The following FADS6 variants were observed in gnomAD, a reference collection of about 807,000 sequenced individuals.
The protein encoded by FADS6 is fatty acid desaturase 6.
Under a neutral mutation model 31.7 loss-of-function variants are expected in FADS6, and 28 were observed. The observed-to-expected ratio is 0.88, with a 90% CI of 0.66 to 1.21. The LOEUF is 1.21. Ranked by LOEUF, FADS6 falls within the 50% of genes most tolerant of loss-of-function variation. The pLI is 0.00. For missense variants in FADS6, 494 were observed against 504.2 expected (o/e 0.98, Z 0.19); for synonymous variants, 191 against 213.1 (o/e 0.90, Z 0.90).
rs557158184 is a variant in FADS6, at chr17:74,884,570, C to T, written c.412-1860G>A. ...GAAGCTTGGTAGGGAGGCCTCAGGA[C>T]GCTTGCAATCATGGCAGATCACAAT... On this transcript the variant is annotated intron_variant, in intron 2 of 5. Transcript: ENST00000612771. Among the ~76,000 whole-genome samples, 4 of 152,246 alleles carry T rather than the reference C, an allele frequency of 2.6e-5. No individual in the cohort carries two copies. In the South Asian group the frequency reaches 8.3e-4, roughly 32 times the overall value.
chr17:74,879,732 A>G (rs1475862202), intron 4 of FADS6, 149 bp from the exon 5 acceptor site: 1 of 773,640 alleles, frequency 1.3e-6, no homozygotes, highest in African/African-American at 1.8e-5. Flanking sequence ...CCCAGCTCCG[A>G]TGATGACCCT....
At chr17:74,890,905 C>A (rs553565503) in intron 2 of FADS6, among the ~76,000 whole-genome samples, 14 of 152,240 alleles carry the variant, frequency 9.2e-5, no homozygotes, top group African/African-American at 3.4e-4. Flanking sequence ...ACCTGTGGAA[C>A]TTGGTAAAAA....
In FADS6 at chr17:74,877,729, T is replaced by C. The variant is rs1410574043; in HGVS notation, c.*602A>G. On this transcript the variant is annotated 3_prime_UTR_variant, in exon 6 of 6. Transcript: ENST00000612771. ...CCGACAAAACACACTCACTTTTATC[T>C]TGCTGATACTGTGGCCTGGGGAACT... 8.1e-6 allele frequency: 8 copies of C among 985,462 alleles called. No individual in the cohort carries two copies. In the African/African-American group the frequency reaches 8.7e-5, roughly 11 times the overall value. 61.0% of individuals were successfully genotyped at this position (985,462 alleles called of 1,614,324 possible).
chr17:74,893,290 C>G, intron 1 of FADS6, 62 bp downstream of exon 1: 1 of 1,449,226 alleles, frequency 6.9e-7, no homozygotes, highest in African/African-American at 1.5e-5. Flanking sequence ...GCGCCGCCAC[C>G]TCCGCCGCAC....
At chr17:74,881,475 A>G (rs183493757) in intron 3 of FADS6, among the ~76,000 whole-genome samples, 1 of 152,316 alleles carries the variant, frequency 6.6e-6, no homozygotes, top group Admixed American at 6.5e-5. Flanking sequence ...CGGCAAGCAG[A>G]TCGCTTGAGC....
At chr17:74,890,901 G>C (rs1303588179) in intron 2 of FADS6, among the ~76,000 whole-genome samples, 1 of 152,106 alleles carries the variant, frequency 6.6e-6, no homozygotes, top group African/African-American at 2.4e-5. Context: ...ATTCACCTGT[G>C]GAACTTGGTA....
intron 2 of FADS6, among the ~76,000 whole-genome samples, chr17:74,883,180 T>C (rs1213326502): frequency 1.3e-5 from 2 of 152,168 alleles, no homozygotes; most frequent in Non-Finnish European, 2.9e-5. Context: ...AGGGACACCA[T>C]CCCCTGACCA....
intron 3 of FADS6, among the ~76,000 whole-genome samples, chr17:74,881,592 A>G (rs2038569821): frequency 6.6e-6 from 1 of 151,828 alleles, no homozygotes; most frequent in African/African-American, 2.4e-5. Context: ...CCAGCTACTC[A>G]GGAGGAGCCT....
At chr17:74,883,666 T>A (rs1044997001) in intron 2 of FADS6, among the ~76,000 whole-genome samples, 1 of 152,108 alleles carries the variant, frequency 6.6e-6, no homozygotes, top group Non-Finnish European at 1.5e-5. Flanking sequence ...TTTATTTTAT[T>A]TTTATTCTGT....
chr17:74,875,891 G>A (rs1304700672), downstream of FADS6, among the ~76,000 whole-genome samples: 2 of 152,212 alleles, frequency 1.3e-5, no homozygotes, highest in African/African-American at 4.8e-5. Flanking sequence ...CACTCAAAAG[G>A]CGTGATTGAG....
chr17:74,885,067 T>C (rs1217889535), intron 2 of FADS6, among the ~76,000 whole-genome samples: 1 of 151,986 alleles, frequency 6.6e-6, no homozygotes, highest in African/African-American at 2.4e-5. Flanking sequence ...ACCAAGGGGA[T>C]ACTGCCAAAC....
Position 74,882,604 on chromosome 17 carries a change from G to A in FADS6, c.518C>T (p.Pro173Leu). ...CATGTAGACATAGCGGTTGAGGCAA[G>A]GCAGCCTCCACGTGCTGGAGTCCCC... The part of the protein sequence containing the change: ...GLGDSSTWRL[P>L]CLNRYVYMFL... Residue 173 changes from proline to leucine, a missense_variant, in exon 3 of 6, where the codon CCT becomes CTT. Pro to Leu is a moderately conservative substitution (Grantham distance 98). Transcript: ENST00000612771. The A allele has an allele frequency of 6.2e-7, 1 of 1,611,762 alleles. No homozygotes were observed. The highest frequency in any genetic ancestry group is 1.7e-5 in the Admixed American group (1 of 59,744).
chr17:74,886,817 C>A (rs574655467), intron 2 of FADS6, among the ~76,000 whole-genome samples: 7 of 152,232 alleles, frequency 4.6e-5, no homozygotes, highest in African/African-American at 1.7e-4. Context: ...CTTCCCACAG[C>A]CTTTGTCCAT....
chr17:74,892,708 G>A lies in FADS6; in HGVS notation c.245-19C>T. ...AGGAAGCCTGCGTGGAGAGGAGGAA[G>A]AAGACGGGTCTTTCTCTAGCTCTGG... On this transcript the variant is annotated intron_variant, in intron 1 of 5. Coordinates refer to ENST00000612771, the MANE Select transcript of FADS6 (RefSeq NM_178128.6). 1 of 1,601,712 alleles carries A rather than the reference G, an allele frequency of 6.2e-7. No individual in the cohort carries two copies. The highest frequency in any genetic ancestry group is 8.5e-7 in the Non-Finnish European group (1 of 1,174,514).
Position 74,881,215 on chromosome 17 carries a change from C to A in FADS6, c.633G>T (p.Thr211=), listed in dbSNP as rs745435837. The A allele has an allele frequency of 1.2e-6, 2 of 1,608,554 alleles. No homozygotes were observed. The highest frequency in any genetic ancestry group is 2.2e-5 in the East Asian group (1 of 44,648). ...RKVELGTALR[T]LALISLGLYS... ...AAAGGCCCAGAGAAATCAGGGCCAG[C>A]GTCCGCAGGGCTGTCCCGAGCTCCA... The change falls in exon 4 of 6, where the codon ACG becomes ACT. Residue 211 remains threonine (T), a synonymous_variant. Coordinates refer to ENST00000612771, the MANE Select transcript of FADS6 (RefSeq NM_178128.6).
intron 2 of FADS6, chr17:74,883,015 CTG>C: frequency 3.7e-6 from 2 of 538,920 alleles, no homozygotes; most frequent in Non-Finnish European, 3.2e-6. Context: ...GTCTCAGAGT[CTG>C]TCGTGATTGG....
chr17:74,882,953 G>T, intron 2 of FADS6: 1 of 1,084,442 alleles, frequency 9.2e-7, no homozygotes, highest in Non-Finnish European at 1.3e-6. Flanking sequence ...ATTTGGGGGT[G>T]GGAGGCTGGA....
chr17:74,888,136 ACACACACACACACACACACGCG>A, intron 2 of FADS6, among the ~76,000 whole-genome samples: 1 of 85,120 alleles, frequency 1.2e-5, no homozygotes, highest in Non-Finnish European at 2.3e-5. Context: ...CCACACACAC[ACACACACACACACACACACGCG>A]CGCGCGCGCG....
rs761030697 is a variant in FADS6 at position 74,879,441 on chromosome 17, T to C, written c.923A>G (p.His308Arg). Residue 308 changes from histidine to arginine, a missense_variant, in exon 5 of 6, where the codon CAT becomes CGT. Physicochemically the swap from His to Arg is conservative, Grantham distance 29. This residue lies in a region of FADS6 where 454 missense variants were observed against 438.5 expected (regional missense o/e 1.04). Coordinates refer to ENST00000612771, the MANE Select transcript of FADS6 (RefSeq NM_178128.6). ...GTTATCAGAGAGCCTGGGGAATAGA[T>C]GGTGTTCCACATGGCAGCTGATGAT... ...HSIISCHVEH[H>R]LFPRLSDNMC... 6 of 1,613,928 alleles carry C rather than the reference T, an allele frequency of 3.7e-6. No homozygotes were observed. The South Asian group carries it at 4.4e-5, about 12-fold the overall frequency.
Sources: gnomAD v4.1 joint callset for allele counts (sites outside exome capture counted in the v4.1 genomes callset) on GRCh38, gnomAD v4.1.1 for gene constraint, gnomAD v4.1.1 regional missense constraint, MANE v1.5 for transcripts, NCBI Gene and HGNC (gene_info 2026-07-23, HGNC 2026-07-21) for gene names.